Variants in WARS1 observed in about 807,000 individuals in gnomAD.
WARS1 encodes tryptophanyl-tRNA synthetase 1, also known as tryptophan--tRNA ligase, cytoplasmic.
WARS1 carries 17 observed loss-of-function variants against 47.8 expected under a neutral mutation model. The ratio of observed to expected loss-of-function variants is 0.36; its 90% CI spans 0.24 to 0.53. The LOEUF (loss-of-function observed/expected upper bound fraction) is 0.53. Ranked by LOEUF, WARS1 falls within the 20% of genes least tolerant of loss-of-function variation. The probability of loss-of-function intolerance (pLI) is 0.91; values close to 1 mark genes in which losing one functional copy is unlikely to be tolerated. For missense variants in WARS1, 434 were observed against 608.0 expected, an observed-to-expected ratio of 0.71 and a Z score of 3.01; for synonymous variants, 208 against 228.1, an observed-to-expected ratio of 0.91 and a Z score of 0.79.
chr14:100,354,341 G>A, intron 5 of WARS1, 106 bp downstream of exon 5: 2 of 1,481,248 alleles, frequency 1.4e-6, no homozygotes, highest in Non-Finnish European at 1.8e-6. Context: ...CATCTTGGTT[G>A]CTCAGCAAAT....
intron 1 of WARS1, among the ~76,000 whole-genome samples, chr14:100,369,508 CT>C (rs1256806701): frequency 1.3e-5 from 2 of 151,896 alleles, no homozygotes; most frequent in Non-Finnish European, 2.9e-5. Context: ...TGTGAATCTA[CT>C]TGACTAGGAG....
At chr14:100,368,969 A>T (rs1281748423) in intron 2 of WARS1, 118 bp downstream of exon 2, 1 of 650,150 alleles carries the variant, frequency 1.5e-6, no homozygotes, top group African/African-American at 1.9e-5. Context: ...CTCAAAAAAT[A>T]AAAAATTATA....
At chr14:100,342,686 A>C in intron 8 of WARS1, 115 bp from the exon 9 acceptor site, 1 of 927,482 alleles carries the variant, frequency 1.1e-6, no homozygotes, top group Non-Finnish European at 1.6e-6. Flanking sequence ...AACCAAAGAA[A>C]TTCACTCCCT....
chr14:100,368,896 G>C (rs1896168971), intron 2 of WARS1, among the ~76,000 whole-genome samples, 191 bp downstream of exon 2: 1 of 152,182 alleles, frequency 6.6e-6, no homozygotes, highest in South Asian at 2.1e-4. Context: ...GGGAGGCAGA[G>C]GTTGCAGCAA....
At chr14:100,348,750 A>G (rs1310538111) in intron 6 of WARS1, among the ~76,000 whole-genome samples, 3 of 152,136 alleles carry the variant, frequency 2.0e-5, no homozygotes, top group African/African-American at 4.8e-5. Context: ...GGGACACCCT[A>G]ACCCCTACAA....
chr14:100,346,860 G>T lies in WARS1; in HGVS notation c.726-14C>A. 6.2e-7 allele frequency: 1 copy of T among 1,608,368 alleles called. No homozygotes were observed. Among genetic ancestry groups the T allele is most frequent in the South Asian group, 1.1e-5 (1 of 90,900 alleles). On this transcript the variant is annotated splice_polypyrimidine_tract_variant and intron_variant, in intron 6 of 10. Coordinates refer to ENST00000392882, the MANE Select transcript of WARS1 (RefSeq NM_004184.4). Reference sequence around the variant, plus strand: ...CCTGAGCTCATCCTGCAAAGACAACGAGAATGAAATCCCAAACGGAGGGCG... The same window carrying T: ...CCTGAGCTCATCCTGCAAAGACAACTAGAATGAAATCCCAAACGGAGGGCG...
At chr14:100,348,959 G>A (rs979289259) in intron 6 of WARS1, among the ~76,000 whole-genome samples, 1 of 152,210 alleles carries the variant, frequency 6.6e-6, no homozygotes, top group Non-Finnish European at 1.5e-5. Flanking sequence ...CTCAAGGGAC[G>A]GCTGTCCCCC....
intron 2 of WARS1, among the ~76,000 whole-genome samples, chr14:100,363,217 T>C (rs1297876259): frequency 6.6e-6 from 1 of 152,150 alleles, no homozygotes; most frequent in Non-Finnish European, 1.5e-5. Flanking sequence ...TTTCATACTC[T>C]ATCTGGTCTA....
intron 7 of WARS1, among the ~76,000 whole-genome samples, chr14:100,345,065 G>A (rs1347486087): frequency 2.7e-5 from 4 of 147,944 alleles, no homozygotes; most frequent in South Asian, 2.2e-4. Flanking sequence ...TCAGCCCCCC[G>A]CCCGGCCAGC....
chr14:100,339,126 C>CAT (rs371973168), intron 9 of WARS1, among the ~76,000 whole-genome samples: 24,005 of 130,012 alleles, frequency 0.18, 2,115 homozygotes, highest in Non-Finnish European at 0.23. Context: ...CACACACATA[C>CAT]ACACACACAC....
chr14:100,342,321 G>T, intron 9 of WARS1, 77 bp downstream of exon 9: 1 of 1,584,802 alleles, frequency 6.3e-7, no homozygotes. Context: ...GCACTGCGCA[G>T]TGGTGTGTGT....
Position 100,337,076 on chromosome 14 carries a change from C to T in WARS1, c.1240G>A (p.Glu414Lys), listed in dbSNP as rs1400283241. The change falls in exon 10 of 11, where the codon GAG (glutamate) becomes AAG (lysine). Residue 414 changes from glutamate (E) to lysine (K), a missense_variant. Transcript: ENST00000392882. ...TCCCTGCTCACCTTCCTGATCTGCTCGAGCTTGTCGTCGTCCTCGAGGAAG... is the reference window on the plus strand; with the variant it reads ...TCCCTGCTCACCTTCCTGATCTGCTTGAGCTTGTCGTCGTCCTCGAGGAAG... ...TFFLEDDDKL[E>K]QIRKDYTSGA... 4.3e-6 allele frequency: 7 copies of T among 1,613,952 alleles called. No homozygotes were observed. The highest frequency in any genetic ancestry group is 3.3e-5 in the Admixed American group (2 of 60,014).
At chr14:100,349,867 G>C (rs1451143860) in intron 6 of WARS1, among the ~76,000 whole-genome samples, 1 of 152,158 alleles carries the variant, frequency 6.6e-6, no homozygotes, top group Non-Finnish European at 1.5e-5. Flanking sequence ...CTAAACACCA[G>C]GAAGGAGCTT....
At chr14:100,357,751 G>A (rs937108260) in intron 4 of WARS1, among the ~76,000 whole-genome samples, 14 of 152,136 alleles carry the variant, frequency 9.2e-5, no homozygotes, top group Non-Finnish European at 1.8e-4. Context: ...GTAAGCCACC[G>A]TGCCCGGCCA....
intron 10 of WARS1, among the ~76,000 whole-genome samples, chr14:100,336,074 GA>G (rs1893702494): frequency 6.6e-6 from 1 of 151,770 alleles, no homozygotes; most frequent in Non-Finnish European, 1.5e-5. Flanking sequence ...GGGAGGTCGA[GA>G]CCATCTTGAA....
Position 100,369,230 on chromosome 14 carries a change from A to G in WARS1, c.-45T>C, listed in dbSNP as rs1566868084. 2.6e-6 allele frequency: 1 copy of G among 388,022 alleles called. No homozygotes were observed. The highest frequency in any genetic ancestry group is 2.3e-5 in the African/African-American group (1 of 44,028). 24.0% of individuals were successfully genotyped at this position (388,022 alleles called of 1,614,324 possible). A position where few individuals can be genotyped will look rare whatever the true frequency, so the allele number is the denominator to read the frequency against. On this transcript the variant is annotated 5_prime_UTR_variant, in exon 2 of 11. Coordinates refer to ENST00000392882, the MANE Select transcript of WARS1 (RefSeq NM_004184.4). The stretch of plus-strand genomic sequence containing the variant: ...CTACGTTCACAGCCGGCCTGAGGTC[A>G]GAGGATTTGTTCAGCAGACGAGTCA...
intron 7 of WARS1, among the ~76,000 whole-genome samples, chr14:100,343,632 TTTTTC>T (rs1894323965): frequency 6.6e-6 from 1 of 152,260 alleles, no homozygotes. Context: ...TTTCCTTGGC[TTTTTC>T]TTTTCCTTTT....
chr14:100,345,994 G>A (rs145162030), intron 7 of WARS1, among the ~76,000 whole-genome samples: 1,618 of 152,342 alleles, frequency 0.011, 29 homozygotes, highest in African/African-American at 0.037. Context: ...CCCCGGCAGC[G>A]CATCCCAGGG....
rs140956308 is a variant in WARS1, at chr14:100,334,906, G to C, written c.1385C>G (p.Thr462Ser). The change falls in exon 11 of 11, where the codon ACT (threonine) becomes AGT (serine). Residue 462 changes from threonine (T) to serine (S), a missense_variant. Thr to Ser is a moderately conservative substitution (Grantham distance 58). This residue lies in a region of WARS1 where 347 missense variants were observed against 523.8 expected (regional missense o/e 0.66). Transcript: ENST00000392882. ...VTDEIVKEFM[T>S]PRKLSFDFQ ...AAAGTCGAAGGACAGCTTCCGGGGA[G>C]TCATGAACTCTTTCACTATCTCATC... is the stretch of plus-strand genomic sequence containing the variant. The C allele has an allele frequency of 6.2e-7, 1 of 1,614,080 alleles. No individual in the cohort carries two copies. Among genetic ancestry groups the C allele is most frequent in the East Asian group, 2.2e-5 (1 of 44,898 alleles).
Sources: gnomAD v4.1 joint callset for allele counts (sites outside exome capture counted in the v4.1 genomes callset) on GRCh38, gnomAD v4.1.1 for gene constraint, gnomAD v4.1.1 regional missense constraint, MANE v1.5 for transcripts, NCBI Gene and HGNC (gene_info 2026-07-23, HGNC 2026-07-21) for gene names.